The following SMYD3 variants were observed in gnomAD, a reference collection of about 807,000 sequenced individuals.
The protein encoded by SMYD3 is histone-lysine N-methyltransferase SMYD3.
SMYD3 carries 36 observed loss-of-function variants against 57.7 expected under a neutral mutation model. That is an observed-to-expected ratio of 0.62 (90% CI 0.48 to 0.82). The LOEUF (loss-of-function observed/expected upper bound fraction) is 0.82. Among genes scored for constraint, SMYD3 ranks in the 40% least tolerant of loss-of-function variants. SMYD3 has a pLI of 0.00. For missense variants in SMYD3, 515 were observed against 538.8 expected, an observed-to-expected ratio of 0.96 and a Z score of 0.44; for synonymous variants, 211 against 195.0, an observed-to-expected ratio of 1.08 and a Z score of -0.68.
At chr1:246,227,302 G>A (rs1475690751) in intron 5 of SMYD3, among the ~76,000 whole-genome samples, 2 of 152,134 alleles carry the variant, frequency 1.3e-5, no homozygotes, top group African/African-American at 4.8e-5. Context: ...ATGCACTGGG[G>A]CGCCCTCAGG....
chr1:246,223,707 G>T (rs1335328899), intron 5 of SMYD3, among the ~76,000 whole-genome samples: 1 of 152,028 alleles, frequency 6.6e-6, no homozygotes, highest in Non-Finnish European at 1.5e-5. Flanking sequence ...CCTAACCTTA[G>T]AGTCACTTTG....
Position 245,896,876 on chromosome 1 carries a change from C to G in SMYD3, c.813+18654G>C, listed in dbSNP as rs1452377133. 8.0e-5 allele frequency among the ~76,000 whole-genome samples: 8 copies of G among 99,940 alleles called. No individual in the cohort carries two copies. In the East Asian group the frequency reaches 2.2e-3, roughly 27 times the overall value. The allele number at this position is 99,940 out of a possible 152,430, so 65.6% of individuals were successfully genotyped here. A position where few individuals can be genotyped will look rare whatever the true frequency, so the allele number is the denominator to read the frequency against. The stretch of plus-strand genomic sequence containing the variant: ...GCTTGGGGGAGGCAAAACTACCAGA[C>G]AGAAGGGAAGAGCACAGAAGGAGTG... On this transcript the variant is annotated intron_variant, in intron 8 of 11. Coordinates refer to ENST00000490107, the MANE Select transcript of SMYD3 (RefSeq NM_001167740.2).
At chr1:245,940,570 C>G (rs1053932771) in intron 5 of SMYD3, among the ~76,000 whole-genome samples, 1 of 150,516 alleles carries the variant, frequency 6.6e-6, no homozygotes, top group African/African-American at 2.4e-5. Context: ...GTTAAAAAAA[C>G]AAAACAAAAC....
At chr1:245,767,112 C>A (rs2046147841) in intron 10 of SMYD3, among the ~76,000 whole-genome samples, 1 of 152,164 alleles carries the variant, frequency 6.6e-6, no homozygotes, top group Admixed American at 6.5e-5. Flanking sequence ...GGCCTTCCAT[C>A]CACTTCATGG....
At chr1:246,330,198 G>A (rs1469630324) in intron 4 of SMYD3, among the ~76,000 whole-genome samples, 1 of 152,072 alleles carries the variant, frequency 6.6e-6, no homozygotes, top group Non-Finnish European at 1.5e-5. Context: ...GGGAAACAGG[G>A]AAGAAAAAAA....
At chr1:246,087,769 T>C (rs2261871) in intron 5 of SMYD3, among the ~76,000 whole-genome samples, 124,733 of 152,072 alleles carry the variant, frequency 0.82, 51,621 homozygotes, top group Admixed American at 0.88. Context: ...ATTACGGCTT[T>C]AGATAAAGCA....
rs534820785 is a variant in SMYD3 at position 246,297,621 on chromosome 1, C to T, written c.531+29580G>A. Among the ~76,000 whole-genome samples, 20 of 152,162 alleles carry T rather than the reference C, an allele frequency of 1.3e-4. No homozygotes were observed. The East Asian group carries it at 2.7e-3, about 21-fold the overall frequency. On this transcript the variant is annotated intron_variant, in intron 5 of 11. Transcript: ENST00000490107. Reference sequence around the variant, plus strand: ...TGAAATTACTGGCTTGTAATGAAAACGTTTTTAACCCTAAACAAGAATAAA... The same window carrying T: ...TGAAATTACTGGCTTGTAATGAAAATGTTTTTAACCCTAAACAAGAATAAA...
At chr1:246,192,384 T>A (rs933236720) in intron 5 of SMYD3, among the ~76,000 whole-genome samples, 2 of 152,218 alleles carry the variant, frequency 1.3e-5, no homozygotes, top group African/African-American at 4.8e-5. Context: ...AGCAGGGCAG[T>A]TGTTAAATGT....
intron 8 of SMYD3, among the ~76,000 whole-genome samples, chr1:245,879,636 T>C (rs2052670619): frequency 6.6e-6 from 1 of 152,196 alleles, no homozygotes; most frequent in South Asian, 2.1e-4. Context: ...AGAATAGGAA[T>C]CTTAGAAAAG....
At chr1:245,817,207 G>A (rs535472848) in intron 10 of SMYD3, among the ~76,000 whole-genome samples, 6 of 146,888 alleles carry the variant, frequency 4.1e-5, no homozygotes, top group Admixed American at 6.9e-5. Context: ...TCTGAGAACG[G>A]GCAGACTGCC....
intron 1 of SMYD3, among the ~76,000 whole-genome samples, chr1:246,362,821 C>A (rs1361034311): frequency 6.6e-6 from 1 of 152,216 alleles, no homozygotes; most frequent in Non-Finnish European, 1.5e-5. Context: ...ACAACCTCCA[C>A]CTCCCAGCCG....
chr1:245,923,091 T>C (rs2056099300), intron 7 of SMYD3, among the ~76,000 whole-genome samples: 1 of 152,140 alleles, frequency 6.6e-6, no homozygotes, highest in South Asian at 2.1e-4. Context: ...TTCAATCATA[T>C]GGTTCAACGA....
chr1:246,407,813 GC>G (rs1452446515), intron 1 of SMYD3, among the ~76,000 whole-genome samples: 2 of 151,826 alleles, frequency 1.3e-5, no homozygotes, highest in African/African-American at 4.8e-5. Context: ...CTGCACTCCA[GC>G]CTGGGCAACA....
intron 5 of SMYD3, among the ~76,000 whole-genome samples, chr1:246,295,851 G>T (rs1177853735): frequency 1.3e-5 from 2 of 152,070 alleles, no homozygotes; most frequent in African/African-American, 4.8e-5. Flanking sequence ...GACAGGCATG[G>T]GACAAGAAAG....
intron 1 of SMYD3, chr1:246,426,229 A>AT (rs1572490065): frequency 1.3e-5 from 2 of 152,146 alleles, no homozygotes; most frequent in East Asian, 1.9e-4. Context: ...CTGAGTTGGG[A>AT]TTTTTTAACG....
rs2059893786 is a variant in SMYD3 at position 246,042,395 on chromosome 1, T to C, written c.532-112458A>G. 2.6e-5 allele frequency among the ~76,000 whole-genome samples: 4 copies of C among 152,300 alleles called. No homozygotes were observed. In the South Asian group the frequency reaches 6.2e-4, roughly 24 times the overall value. On this transcript the variant is annotated intron_variant, in intron 5 of 11. Transcript: ENST00000490107. ...ATATAACTGTAATTCAAGAGCCACA[T>C]ACTCAGGGTTTGTAAAAATTCCTAA...
intron 5 of SMYD3, among the ~76,000 whole-genome samples, chr1:246,227,956 CTTTTTTTTTT>C (rs202246263): frequency 1.0e-4 from 12 of 115,574 alleles, no homozygotes; most frequent in Admixed American, 1.8e-4. Flanking sequence ...ATTTTTATTC[CTTTTTTTTTT>C]TTTTTTTTTT....
intron 5 of SMYD3, among the ~76,000 whole-genome samples, chr1:246,156,684 C>T (rs184421386): frequency 1.3e-5 from 2 of 152,286 alleles, no homozygotes; most frequent in Admixed American, 6.5e-5. Context: ...GCAAGAAATG[C>T]TGTGTTTCCT....
chr1:246,481,145 T>C (rs1421627469), intron 1 of SMYD3, among the ~76,000 whole-genome samples: 1 of 152,188 alleles, frequency 6.6e-6, no homozygotes, highest in Non-Finnish European at 1.5e-5. Flanking sequence ...GAAAGAGCAA[T>C]ACACATAGAC....
Sources: gnomAD v4.1 joint callset for allele counts (sites outside exome capture counted in the v4.1 genomes callset) on GRCh38, gnomAD v4.1.1 for gene constraint, MANE v1.5 for transcripts, NCBI Gene and HGNC (gene_info 2026-07-23, HGNC 2026-07-21) for gene names.